ZNF385D: variants seen among roughly 807,000 people sequenced by gnomAD.
ZNF385D encodes zinc finger protein 659.
A neutral mutation model predicts 35.8 loss-of-function variants in ZNF385D; 15 were observed. That is an observed-to-expected ratio of 0.42 (90% CI 0.28 to 0.64). The LOEUF (loss-of-function observed/expected upper bound fraction) is 0.64, where lower values mean the gene tolerates loss of function less well. Among genes scored for constraint, ZNF385D ranks in the 30% least tolerant of loss-of-function variants. The probability of loss-of-function intolerance (pLI) is 0.23; values close to 1 mark genes in which losing one functional copy is unlikely to be tolerated. For missense variants in ZNF385D, 474 were observed against 494.6 expected (o/e 0.96, Z 0.39); for synonymous variants, 212 against 186.8 (o/e 1.13, Z -1.10).
At chr3:21,860,901 T>G (rs1414032704) in intron 3 of ZNF385D, among the ~76,000 whole-genome samples, 1 of 152,104 alleles carries the variant, frequency 6.6e-6, no homozygotes, top group Non-Finnish European at 1.5e-5. Context: ...TCCATTTAGA[T>G]TCGATGTCTG....
At chr3:21,444,080 C>CTTTT (rs11390309) in intron 4 of ZNF385D, among the ~76,000 whole-genome samples, 18,534 of 132,432 alleles carry the variant, frequency 0.14, 2,838 homozygotes, top group African/African-American at 0.38. Flanking sequence ...GGATTTCCCT[C>CTTTT]TTTTTTTTTT....
intron 3 of ZNF385D, among the ~76,000 whole-genome samples, chr3:21,961,902 G>C (rs908728561): frequency 1.2e-4 from 19 of 152,026 alleles, no homozygotes; most frequent in Admixed American, 1.2e-3. Flanking sequence ...AAAGAAAACT[G>C]TTATGACTAA....
At chr3:22,178,945 T>C (rs1055929784) in intron 2 of ZNF385D, among the ~76,000 whole-genome samples, 9 of 151,566 alleles carry the variant, frequency 5.9e-5, no homozygotes, top group Admixed American at 3.3e-4. Context: ...TTGGTCTATA[T>C]CTCTGTTTTG....
In ZNF385D at chr3:22,301,675, C is replaced by T. The variant is rs17302335; in HGVS notation, c.106+70775G>A. ...AACAGGCTTAAGTGGTAAAATATTACAAAGATAGTTGAATCCTCTACCCTA... is the reference window on the plus strand; with the variant it reads ...AACAGGCTTAAGTGGTAAAATATTATAAAGATAGTTGAATCCTCTACCCTA... On this transcript the variant is annotated intron_variant, in intron 2 of 5. Transcript: ENST00000494108. 9.4e-3 allele frequency among the ~76,000 whole-genome samples: 1,434 copies of T among 152,020 alleles called. 16 individuals carry two copies. Among genetic ancestry groups the T allele is most frequent in the Non-Finnish European group, 0.016 (1,084 of 67,904 alleles).
intron 3 of ZNF385D, among the ~76,000 whole-genome samples, chr3:21,759,606 C>A (rs1298151404): frequency 2.6e-5 from 4 of 152,070 alleles, no homozygotes; most frequent in Admixed American, 2.6e-4. Context: ...TCTTGTGTAG[C>A]AGGCTGAAAG....
At chr3:22,281,756 A>C (rs1198251786) in intron 2 of ZNF385D, among the ~76,000 whole-genome samples, 1 of 152,076 alleles carries the variant, frequency 6.6e-6, no homozygotes, top group Non-Finnish European at 1.5e-5. Context: ...CTGGCTTCAT[A>C]GAATGATTTA....
intron 3 of ZNF385D, among the ~76,000 whole-genome samples, chr3:21,775,947 ACTG>A (rs2071271190): frequency 6.6e-6 from 1 of 151,784 alleles, no homozygotes; most frequent in African/African-American, 2.4e-5. Context: ...TTACACAAAT[ACTG>A]CTAATAGTAT....
chr3:22,190,355 A>C (rs1243375626), intron 2 of ZNF385D, among the ~76,000 whole-genome samples: 1 of 152,174 alleles, frequency 6.6e-6, no homozygotes, highest in African/African-American at 2.4e-5. Flanking sequence ...TGCATTTACA[A>C]GAGATAGTAA....
At chr3:22,225,510 T>C (rs879702551) in intron 2 of ZNF385D, among the ~76,000 whole-genome samples, 2 of 152,158 alleles carry the variant, frequency 1.3e-5, no homozygotes, top group Non-Finnish European at 2.9e-5. Context: ...TCCGTTAGTA[T>C]GGATGCATGT....
chr3:22,077,118 C>CATTA (rs963755873), intron 3 of ZNF385D, among the ~76,000 whole-genome samples: 1 of 151,828 alleles, frequency 6.6e-6, no homozygotes, highest in Non-Finnish European at 1.5e-5. Context: ...TAATAAAAAG[C>CATTA]ATTAACAGTG....
chr3:22,102,377 G>T (rs1181688961), intron 3 of ZNF385D, among the ~76,000 whole-genome samples: 2 of 152,034 alleles, frequency 1.3e-5, no homozygotes, highest in African/African-American at 4.8e-5. Flanking sequence ...GTCCAAGATT[G>T]CTTAGATAGT....
chr3:21,639,149 G>T (rs1024799070), intron 2 of ZNF385D, among the ~76,000 whole-genome samples: 4 of 151,996 alleles, frequency 2.6e-5, no homozygotes, highest in Non-Finnish European at 4.4e-5. Flanking sequence ...AAGATAAAAA[G>T]CATATAGAAA....
chr3:21,697,858 C>A (rs1361132643), intron 1 of ZNF385D, among the ~76,000 whole-genome samples: 3 of 152,066 alleles, frequency 2.0e-5, no homozygotes, highest in Non-Finnish European at 2.9e-5. Flanking sequence ...TGCTCAATAC[C>A]ATTAATCATC....
At chr3:21,923,181 C>A (rs147327484) in intron 3 of ZNF385D, among the ~76,000 whole-genome samples, 3,135 of 152,096 alleles carry the variant, frequency 0.021, 47 homozygotes, top group Middle Eastern at 0.045. Flanking sequence ...TATCCCTCCC[C>A]CATCCCCCCA....
chr3:21,649,504 A>G (rs2065852037), intron 2 of ZNF385D, among the ~76,000 whole-genome samples: 1 of 152,198 alleles, frequency 6.6e-6, no homozygotes, highest in African/African-American at 2.4e-5. Context: ...ACTAACAGTA[A>G]GAATATAATG....
chr3:21,478,569 G>C (rs1374058123), intron 4 of ZNF385D, among the ~76,000 whole-genome samples: 1 of 152,250 alleles, frequency 6.6e-6, no homozygotes, highest in East Asian at 1.9e-4. Context: ...CACTGAGATT[G>C]GGAGTCATCT....
intron 2 of ZNF385D, among the ~76,000 whole-genome samples, chr3:21,567,554 C>G (rs1198353752): frequency 6.6e-6 from 1 of 151,970 alleles, no homozygotes; most frequent in South Asian, 2.1e-4. Flanking sequence ...GTAATTTTCC[C>G]TTCAGCCACC....
intron 3 of ZNF385D, among the ~76,000 whole-genome samples, chr3:21,810,287 A>T (rs967764977): frequency 1.3e-5 from 2 of 151,996 alleles, no homozygotes; most frequent in African/African-American, 4.8e-5. Context: ...ATATTAATTG[A>T]TATAGAAAAG....
Position 21,412,796 on chromosome 3 carries a change from G to A in ZNF385D, c.*8418C>T, listed in dbSNP as rs566231114. 3.9e-5 allele frequency: 6 copies of A among 152,146 alleles called. No individual in the cohort carries two copies. In the South Asian group the frequency reaches 1.2e-3, roughly 32 times the overall value. The allele number at this position is 152,146 out of a possible 1,614,324, so 9.4% of individuals were successfully genotyped here. On this transcript the variant is annotated 3_prime_UTR_variant, in exon 8 of 8. Transcript: ENST00000281523. ...AATATTAATTTGTTCACAGCTGCAA[G>A]TTTAACTTAGTACAGGACCACAGAC...
Sources: gnomAD v4.1 joint callset for allele counts (sites outside exome capture counted in the v4.1 genomes callset) on GRCh38, gnomAD v4.1.1 for gene constraint, MANE v1.5 for transcripts, NCBI Gene and HGNC (gene_info 2026-07-23, HGNC 2026-07-21) for gene names.